The following NTF3 variants were observed in gnomAD, a reference collection of about 807,000 sequenced individuals.
NTF3 encodes the protein neurotrophin-3.
In NTF3, 8 loss-of-function variants were observed where a neutral mutation model predicts 26.3. The observed-to-expected ratio is 0.30, with a 90% CI of 0.18 to 0.55. The LOEUF (loss-of-function observed/expected upper bound fraction) is 0.55, where lower values mean the gene tolerates loss of function less well. Among genes scored for constraint, NTF3 ranks in the 20% least tolerant of loss-of-function variants. The pLI is 0.93. For synonymous variants in NTF3, 154 were observed against 145.5 expected (o/e 1.06, Z -0.42); for missense variants, 276 against 352.9 (o/e 0.78, Z 1.75).
intron 1 of NTF3, among the ~76,000 whole-genome samples, chr12:5,454,864 C>T (rs959927565): frequency 3.9e-5 from 6 of 152,116 alleles, no homozygotes; most frequent in East Asian, 1.9e-4. Flanking sequence ...GCGAGCAGAG[C>T]GGCAAATTGG....
At chr12:5,489,680 G>A (rs1264550528) in intron 1 of NTF3, among the ~76,000 whole-genome samples, 1 of 152,180 alleles carries the variant, frequency 6.6e-6, no homozygotes, top group Non-Finnish European at 1.5e-5. Context: ...ACACGGTCAG[G>A]AGGTGCTCCT....
intron 1 of NTF3, among the ~76,000 whole-genome samples, chr12:5,439,242 C>T (rs1370284749): frequency 1.3e-5 from 2 of 152,130 alleles, no homozygotes; most frequent in Admixed American, 6.5e-5. Context: ...TACTGGGTGC[C>T]AGGCATTTTT....
At chr12:5,481,958 C>G (rs925808555) in intron 1 of NTF3, among the ~76,000 whole-genome samples, 1 of 151,292 alleles carries the variant, frequency 6.6e-6, no homozygotes, top group African/African-American at 2.4e-5. Context: ...GCACACAGCA[C>G]ACACACACAC....
intron 1 of NTF3, among the ~76,000 whole-genome samples, chr12:5,483,836 G>C (rs1940835935): frequency 6.6e-6 from 1 of 152,246 alleles, no homozygotes; most frequent in South Asian, 2.1e-4. Context: ...AAGTCACCCA[G>C]AGTGATTGCA....
At chr12:5,488,234 C>A (rs1940891978) in intron 1 of NTF3, among the ~76,000 whole-genome samples, 1 of 152,200 alleles carries the variant, frequency 6.6e-6, no homozygotes, top group Non-Finnish European at 1.5e-5. Context: ...AGTGAGTTAA[C>A]CTACATGTTT....
At chr12:5,443,189 G>A (rs1940261197) in intron 1 of NTF3, among the ~76,000 whole-genome samples, 1 of 152,228 alleles carries the variant, frequency 6.6e-6, no homozygotes, top group South Asian at 2.1e-4. Context: ...GCTTCTGGCA[G>A]TCCTGCCCTG....
chr12:5,439,648 G>A (rs1306059057), intron 1 of NTF3, among the ~76,000 whole-genome samples: 3 of 152,178 alleles, frequency 2.0e-5, no homozygotes, highest in East Asian at 1.9e-4. Context: ...TACAGAATAC[G>A]GATATTGATT....
chr12:5,481,466 TAACACCACACATACATG>T (rs1256647748), intron 1 of NTF3, among the ~76,000 whole-genome samples: 2 of 12,338 alleles, frequency 1.6e-4, no homozygotes, highest in Non-Finnish European at 3.9e-4. Flanking sequence ...ACACACAGAA[TAACACCACACATACATG>T]CACACCACAG....
rs543637119 is a variant in NTF3 at position 5,478,586 on chromosome 12, T to C, written c.19-15608T>C. On this transcript the variant is annotated intron_variant, in intron 1 of 1. Coordinates refer to ENST00000423158, the MANE Select transcript of NTF3 (RefSeq NM_001102654.2). ...CCCCATGGGGCAGCATTTAGCCTTTTCAAAATCAGCTTAGGATCACAGACC... is the reference window on the plus strand; with the variant it reads ...CCCCATGGGGCAGCATTTAGCCTTTCCAAAATCAGCTTAGGATCACAGACC... Among the ~76,000 whole-genome samples, 663 of 152,386 alleles carry C rather than the reference T, an allele frequency of 4.4e-3. 1 individual carries two copies. The highest frequency in any genetic ancestry group is 6.5e-3 in the Non-Finnish European group (443 of 68,032).
chr12:5,471,857 G>A (rs1429952560), intron 1 of NTF3, among the ~76,000 whole-genome samples: 2 of 152,034 alleles, frequency 1.3e-5, no homozygotes, highest in African/African-American at 4.8e-5. Context: ...TTCTTGGTGG[G>A]TGATAAAAGG....
At chr12:5,482,433 C>A (rs938528986) in intron 1 of NTF3, among the ~76,000 whole-genome samples, 8 of 152,162 alleles carry the variant, frequency 5.3e-5, no homozygotes, top group East Asian at 1.9e-4. Context: ...ATTGATAGCA[C>A]CCGCATGTTC....
chr12:5,446,220 G>A (rs1940303194), intron 1 of NTF3, among the ~76,000 whole-genome samples: 1 of 152,094 alleles, frequency 6.6e-6, no homozygotes. Flanking sequence ...CAGGCTTGAG[G>A]GCACAACAAC....
intron 1 of NTF3, among the ~76,000 whole-genome samples, chr12:5,470,008 T>C (rs1431301306): frequency 6.6e-6 from 1 of 152,210 alleles, no homozygotes; most frequent in Non-Finnish European, 1.5e-5. Flanking sequence ...CACTGCAAGC[T>C]CCGCCTCCCG....
chr12:5,445,112 C>T (rs1940287335), intron 1 of NTF3, among the ~76,000 whole-genome samples: 1 of 152,158 alleles, frequency 6.6e-6, no homozygotes, highest in Non-Finnish European at 1.5e-5. Context: ...GAAATTACAT[C>T]CCAGAAAATC....
intron 1 of NTF3, among the ~76,000 whole-genome samples, chr12:5,464,215 T>C (rs116455264): frequency 5.3e-5 from 8 of 152,346 alleles, no homozygotes; most frequent in African/African-American, 1.7e-4. Context: ...CACTTTTGAC[T>C]GGTTCGTGTG....
At chr12:5,447,236 G>A (rs986855249) in intron 1 of NTF3, among the ~76,000 whole-genome samples, 1 of 152,242 alleles carries the variant, frequency 6.6e-6, no homozygotes, top group Non-Finnish European at 1.5e-5. Context: ...GTGATGAACA[G>A]AAGCATTTAT....
chr12:5,480,286 T>C (rs1181835354), intron 1 of NTF3, among the ~76,000 whole-genome samples: 18 of 152,016 alleles, frequency 1.2e-4, no homozygotes, highest in African/African-American at 4.1e-4. Context: ...AACGGGAACA[T>C]TGGAAGTTCG....
intron 1 of NTF3, among the ~76,000 whole-genome samples, chr12:5,435,703 A>T (rs569351484): frequency 1.3e-5 from 2 of 152,082 alleles, no homozygotes; most frequent in Admixed American, 6.6e-5. Context: ...GAGACCTGTT[A>T]TGTGGAGCTG....
chr12:5,482,874 TTCTC>T (rs1940824235), intron 1 of NTF3, among the ~76,000 whole-genome samples: 2 of 151,356 alleles, frequency 1.3e-5, no homozygotes, highest in African/African-American at 4.9e-5. Context: ...CCCTCTGTCT[TTCTC>T]TCTGTGTGTG....
Sources: gnomAD v4.1 joint callset for allele counts (sites outside exome capture counted in the v4.1 genomes callset) on GRCh38, gnomAD v4.1.1 for gene constraint, MANE v1.5 for transcripts, NCBI Gene and HGNC (gene_info 2026-07-23, HGNC 2026-07-21) for gene names.